NAALADL2: variants seen among roughly 807,000 people sequenced by gnomAD.
NAALADL2 encodes the protein N-acetylated alpha-linked acidic dipeptidase like 2, also known as inactive N-acetylated-alpha-linked acidic dipeptidase-like protein 2.
Under a neutral mutation model 87.2 loss-of-function variants are expected in NAALADL2, and 76 were observed. That is an observed-to-expected ratio of 0.87 (90% confidence interval 0.72 to 1.05). The LOEUF (loss-of-function observed/expected upper bound fraction) is 1.05, where lower values mean the gene tolerates loss of function less well. Ranked by LOEUF, NAALADL2 falls within the 50% of genes least tolerant of loss-of-function variation. NAALADL2 has a pLI of 0.00. For missense variants in NAALADL2, 1,089 were observed against 945.8 expected (o/e 1.15, Z -1.99); for synonymous variants, 354 against 331.0 (o/e 1.07, Z -0.75).
intron 2 of NAALADL2, among the ~76,000 whole-genome samples, chr3:174,663,749 A>G (rs1725712405): frequency 6.6e-6 from 1 of 151,910 alleles, no homozygotes; most frequent in Non-Finnish European, 1.5e-5. Flanking sequence ...TATGTCAGTA[A>G]TGGAGACTTT....
chr3:175,634,860 T>A (rs1487043879), intron 11 of NAALADL2, among the ~76,000 whole-genome samples: 1 of 152,046 alleles, frequency 6.6e-6, no homozygotes, highest in Non-Finnish European at 1.5e-5. Context: ...TTATTGTTAC[T>A]AGATGCAAGA....
intron 13 of NAALADL2, among the ~76,000 whole-genome samples, chr3:175,755,722 G>A (rs1324444397): frequency 2.0e-5 from 3 of 150,468 alleles, no homozygotes; most frequent in Admixed American, 2.0e-4. Context: ...TGCACTGAAA[G>A]AAATACACTT....
chr3:174,565,936 G>T (rs1270395040), intron 2 of NAALADL2, among the ~76,000 whole-genome samples: 1 of 151,772 alleles, frequency 6.6e-6, no homozygotes, highest in Non-Finnish European at 1.5e-5. Flanking sequence ...TATTTATTTT[G>T]ACTATTGTTA....
chr3:175,193,915 A>C (rs946875142), intron 2 of NAALADL2, among the ~76,000 whole-genome samples: 3 of 151,640 alleles, frequency 2.0e-5, no homozygotes, highest in Non-Finnish European at 4.4e-5. Context: ...GTGACTAAAC[A>C]TAATACCATT....
chr3:174,840,028 T>C (rs1723835674), intron 3 of NAALADL2, among the ~76,000 whole-genome samples: 1 of 151,868 alleles, frequency 6.6e-6, no homozygotes, highest in Non-Finnish European at 1.5e-5. Context: ...AATAAGTCAT[T>C]ATATGAAAAA....
At chr3:175,568,642 G>C (rs1717591728) in intron 9 of NAALADL2, among the ~76,000 whole-genome samples, 1 of 152,152 alleles carries the variant, frequency 6.6e-6, no homozygotes, top group Non-Finnish European at 1.5e-5. Context: ...GAGTTTCCCT[G>C]CTGTGGGCTA....
chr3:175,264,853 T>C (rs894687635), intron 4 of NAALADL2, among the ~76,000 whole-genome samples: 3 of 151,606 alleles, frequency 2.0e-5, no homozygotes, highest in Admixed American at 2.0e-4. Context: ...TATAGAATAG[T>C]TTTATTCTAA....
intron 2 of NAALADL2, among the ~76,000 whole-genome samples, chr3:174,610,189 T>C: frequency 9.4e-6 from 1 of 106,812 alleles, no homozygotes; most frequent in Admixed American, 8.1e-5. Flanking sequence ...ACTTAAACGT[T>C]AGACCTAAAA....
At chr3:175,090,127 T>G (rs565056390) in intron 1 of NAALADL2, among the ~76,000 whole-genome samples, 113 of 151,886 alleles carry the variant, frequency 7.4e-4, no homozygotes, top group African/African-American at 2.7e-3. Flanking sequence ...GGAATCTAGG[T>G]GGAGGTGGAA....
At chr3:174,589,311 C>T (rs1355483612) in intron 2 of NAALADL2, among the ~76,000 whole-genome samples, 1 of 152,178 alleles carries the variant, frequency 6.6e-6, no homozygotes, top group African/African-American at 2.4e-5. Flanking sequence ...AATTCCCCGA[C>T]CCCTTGTGCT....
At chr3:175,286,612 T>A (rs977242909) in intron 4 of NAALADL2, among the ~76,000 whole-genome samples, 4 of 152,094 alleles carry the variant, frequency 2.6e-5, no homozygotes, top group Admixed American at 2.0e-4. Context: ...TTCTGGAGGG[T>A]CTATTTTATT....
chr3:174,552,765 C>T (rs1003553043), intron 2 of NAALADL2, among the ~76,000 whole-genome samples: 5 of 131,576 alleles, frequency 3.8e-5, no homozygotes, highest in African/African-American at 1.5e-4. Flanking sequence ...CACTGAGCTC[C>T]AGCATGGGCA....
At position 174,785,327 on chromosome 3, in the gene NAALADL2, G is replaced by T. The variant is rs140727559; in HGVS notation, c.-9+47581G>T. ...TAGCTAATAGCTCCCACTTATAAATGAGAGCATGGTATTTTATTTTCATTC... is the reference window on the plus strand; with the variant it reads ...TAGCTAATAGCTCCCACTTATAAATTAGAGCATGGTATTTTATTTTCATTC... On this transcript the variant is annotated intron_variant, in intron 3 of 3. Transcript: ENST00000434257. Among the ~76,000 whole-genome samples the T allele has an allele frequency of 1.2e-4, 18 of 152,244 alleles. No homozygotes were observed. In the East Asian group the frequency reaches 3.1e-3, roughly 26 times the overall value.
intron 11 of NAALADL2, among the ~76,000 whole-genome samples, chr3:175,668,011 G>A (rs148440548): frequency 2.0e-5 from 3 of 152,214 alleles, no homozygotes; most frequent in African/African-American, 4.8e-5. Flanking sequence ...TCATCACACA[G>A]CACTGATAGG....
intron 5 of NAALADL2, among the ~76,000 whole-genome samples, chr3:175,379,760 G>C (rs1767570995): frequency 6.6e-6 from 1 of 152,094 alleles, no homozygotes; most frequent in South Asian, 2.1e-4. Context: ...AGGTTTGTCT[G>C]ATTGAATATG....
chr3:174,842,747 C>A (rs1297080225), intron 3 of NAALADL2, among the ~76,000 whole-genome samples: 3 of 151,930 alleles, frequency 2.0e-5, no homozygotes, highest in African/African-American at 4.8e-5. Context: ...ATCATTTATA[C>A]CTTAATTATG....
chr3:174,928,084 A>G (rs1267039925), intron 1 of NAALADL2, among the ~76,000 whole-genome samples: 1 of 152,204 alleles, frequency 6.6e-6, no homozygotes, highest in East Asian at 1.9e-4. Context: ...AAGAGAAAAA[A>G]GTCAGGAAAT....
intron 2 of NAALADL2, among the ~76,000 whole-genome samples, chr3:175,112,924 A>G (rs1724451990): frequency 6.6e-6 from 1 of 151,668 alleles, no homozygotes; most frequent in South Asian, 2.1e-4. Flanking sequence ...CTTTAGATAC[A>G]TTAATATATA....
At chr3:174,560,018 G>A (rs1713389943) in intron 2 of NAALADL2, among the ~76,000 whole-genome samples, 1 of 152,162 alleles carries the variant, frequency 6.6e-6, no homozygotes, top group Non-Finnish European at 1.5e-5. Context: ...ATAGGAAGAT[G>A]TACTATATAA....
Sources: allele counts gnomAD v4.1 joint callset (sites outside exome capture counted in the v4.1 genomes callset), GRCh38; gene constraint gnomAD v4.1.1; transcripts MANE v1.5; gene names NCBI Gene and HGNC (gene_info 2026-07-23, HGNC 2026-07-21).